PCDHGA4: variants seen among roughly 807,000 people sequenced by gnomAD.
PCDHGA4 encodes the protein protocadherin gamma subfamily A, 4.
PCDHGA4 carries 38 observed loss-of-function variants against 54.6 expected under a neutral mutation model. The ratio of observed to expected loss-of-function variants is 0.70; its 90% CI spans 0.54 to 0.91. The LOEUF (loss-of-function observed/expected upper bound fraction) is 0.91, where lower values mean the gene tolerates loss of function less well. PCDHGA4 is among the 40% of genes least tolerant of loss of function. The pLI is 0.00. For synonymous variants in PCDHGA4, 511 were observed against 512.9 expected (o/e 1.00, Z 0.05); for missense variants, 1,298 against 1,220.9 (o/e 1.06, Z -0.94).
chr5:141,470,262 A>C (rs924170384), intron 1 of PCDHGA4, among the ~76,000 whole-genome samples: 2 of 152,126 alleles, frequency 1.3e-5, no homozygotes, highest in African/African-American at 4.8e-5. Context: ...CTAAATGGAG[A>C]TACATGTTTG....
At chr5:141,387,768 T>G (rs892776132) in intron 1 of PCDHGA4, 1 of 1,435,344 alleles carries the variant, frequency 7.0e-7, no homozygotes, top group African/African-American at 1.4e-5. Context: ...AGAAGAATTT[T>G]TTCTTGAACT....
At chr5:141,374,954 AT>A in intron 1 of PCDHGA4, 1 of 1,613,990 alleles carries the variant, frequency 6.2e-7, no homozygotes, top group East Asian at 2.2e-5. Flanking sequence ...GATCTCACAA[AT>A]TTTCTGTTTG....
chr5:141,458,018 A>G (rs1361716104), intron 1 of PCDHGA4, among the ~76,000 whole-genome samples: 1 of 152,188 alleles, frequency 6.6e-6, no homozygotes, highest in Admixed American at 6.5e-5. Flanking sequence ...GGTTTTTCCA[A>G]TTGTGTTCTG....
At chr5:141,413,383 A>G in intron 1 of PCDHGA4, 1 of 1,613,998 alleles carries the variant, frequency 6.2e-7, no homozygotes, top group Non-Finnish European at 8.5e-7. Context: ...CGGAGTCCGC[A>G]TAGTCTCCAG....
Position 141,491,349 on chromosome 5 carries a change from C to G in PCDHGA4, c.2515-3458C>G. 6.2e-7 allele frequency: 1 copy of G among 1,614,168 alleles called. No individual in the cohort carries two copies. Among genetic ancestry groups the G allele is most frequent in the Non-Finnish European group, 8.5e-7 (1 of 1,180,016 alleles). ...TTGTGGCTCTAGCGACCGTCAGTCT[C>G]TTATCCCTAGTCACCTTCACCTTTC... is the stretch of plus-strand genomic sequence containing the variant. On this transcript the variant is annotated intron_variant, in intron 1 of 3. Transcript: ENST00000571252. The surrounding 1 kb of genome is among the most constrained non-coding windows in gnomAD (Gnocchi z 6.9).
intron 1 of PCDHGA4, chr5:141,478,198 A>G (rs1393603398): frequency 6.2e-7 from 1 of 1,613,864 alleles, no homozygotes; most frequent in East Asian, 2.2e-5. Flanking sequence ...CCTTTTATCT[A>G]CTTCTTTCTC....
intron 1 of PCDHGA4, chr5:141,375,182 G>A (rs1194415432): frequency 2.5e-6 from 4 of 1,613,936 alleles, no homozygotes; most frequent in South Asian, 1.1e-5. Flanking sequence ...AACAGTAATC[G>A]CCCTTTTTCA....
chr5:141,384,492 AG>A (rs746302959), intron 1 of PCDHGA4: 2 of 1,614,164 alleles, frequency 1.2e-6, no homozygotes, highest in East Asian at 4.5e-5. Context: ...TACAACTAAG[AG>A]TGACTGCACA....
intron 1 of PCDHGA4, among the ~76,000 whole-genome samples, chr5:141,481,950 T>C (rs1378337886): frequency 2.7e-5 from 4 of 146,216 alleles, no homozygotes; most frequent in Admixed American, 1.4e-4. Flanking sequence ...CCAGATGTGG[T>C]GGCAGGTGCC....
At chr5:141,507,450 CAGAG>C (rs940460926) in intron 3 of PCDHGA4, among the ~76,000 whole-genome samples, 1 of 152,170 alleles carries the variant, frequency 6.6e-6, no homozygotes, top group African/African-American at 2.4e-5. Flanking sequence ...GACGGAAGGA[CAGAG>C]AGAGAGGTGG....
At chr5:141,496,249 A>G (rs1385823714) in intron 2 of PCDHGA4, among the ~76,000 whole-genome samples, 1 of 152,078 alleles carries the variant, frequency 6.6e-6, no homozygotes, top group East Asian at 1.9e-4. Context: ...GCTGAAGGGG[A>G]GGGAAACTTC....
chr5:141,501,475 G>A (rs1305778190), intron 2 of PCDHGA4, among the ~76,000 whole-genome samples: 5 of 152,014 alleles, frequency 3.3e-5, no homozygotes, highest in Admixed American at 3.3e-4. Flanking sequence ...AATCCTGGAA[G>A]AGTCCCTCAT....
At chr5:141,435,858 A>C (rs138728159) in intron 1 of PCDHGA4, among the ~76,000 whole-genome samples, 1 of 152,304 alleles carries the variant, frequency 6.6e-6, no homozygotes, top group East Asian at 1.9e-4. Context: ...TACAATAGTT[A>C]AAACCCAGAA....
chr5:141,422,158 G>GA (rs1401712595), intron 1 of PCDHGA4: 2 of 1,571,916 alleles, frequency 1.3e-6, no homozygotes, highest in Middle Eastern at 1.7e-4. Flanking sequence ...TCTGGATTTT[G>GA]AAAAATATAG....
In PCDHGA4 at chr5:141,490,347, G is replaced by T; in HGVS notation, c.2515-4460G>T. On this transcript the variant is annotated intron_variant, in intron 1 of 3. Coordinates refer to ENST00000571252, the MANE Select transcript of PCDHGA4 (RefSeq NM_018917.4). This position sits in a 1 kb window ranked among gnomAD's most constrained non-coding sequence, Gnocchi z 5.4. ...AGAGCACACCAGTGGGCACAGTAGT[G>T]GGGTTGTTTAATGTGCGAGACCGGG... 1 of 1,614,180 alleles carries T rather than the reference G, an allele frequency of 6.2e-7. No homozygotes were observed.
At position 141,477,020 on chromosome 5, in the gene PCDHGA4, G is replaced by A; in HGVS notation, c.2515-17787G>A. The A allele has an allele frequency of 6.2e-7, 1 of 1,614,224 alleles. No individual in the cohort carries two copies. Among genetic ancestry groups the A allele is most frequent in the Non-Finnish European group, 8.5e-7 (1 of 1,180,048 alleles). ...ACTATTCGCCTTAGACCTTGTAACC[G>A]GGATGCTGACAATCAAGGGTCGGCT... On this transcript the variant is annotated intron_variant, in intron 1 of 3. Transcript: ENST00000571252. This position sits in a 1 kb window ranked among gnomAD's most constrained non-coding sequence, Gnocchi z 4.9.
intron 1 of PCDHGA4, chr5:141,370,596 G>T: frequency 6.2e-7 from 1 of 1,613,936 alleles, no homozygotes. Context: ...GAACCTGCGG[G>T]TTATTGCAGA....
chr5:141,384,998 T>A, intron 1 of PCDHGA4: 1 of 1,614,130 alleles, frequency 6.2e-7, no homozygotes, highest in East Asian at 2.2e-5. Flanking sequence ...GTGGCCACAG[T>A]CTCCTGCGTC....
chr5:141,489,151 AAG>A lies in PCDHGA4; in HGVS notation c.2515-5652_2515-5651del. ...TTTTTAAGAGGCTGGAAGGAGACAT[AAG>A]AGACTTCAGCTGCTGCATTCCAAGC... On this transcript the variant is annotated intron_variant, in intron 1 of 3. Coordinates refer to ENST00000571252, the MANE Select transcript of PCDHGA4 (RefSeq NM_018917.4). The surrounding 1 kb of genome is among the most constrained non-coding windows in gnomAD (Gnocchi z 4.5). The A allele has an allele frequency of 1.1e-6, 1 of 932,970 alleles. No homozygotes were observed. The highest frequency in any genetic ancestry group is 1.6e-6 in the Non-Finnish European group (1 of 622,054). 57.8% of individuals were successfully genotyped at this position (932,970 alleles called of 1,614,324 possible).
Sources: allele counts gnomAD v4.1 joint callset (sites outside exome capture counted in the v4.1 genomes callset), GRCh38; gene constraint gnomAD v4.1.1; non-coding constraint Gnocchi (gnomAD v3.1); transcripts MANE v1.5; gene names NCBI Gene and HGNC (gene_info 2026-07-23, HGNC 2026-07-21).